WNT8B: variants seen among roughly 807,000 people sequenced by gnomAD.
WNT8B encodes the protein Wnt family member 8B.
Under a neutral mutation model 36.6 loss-of-function variants are expected in WNT8B, and 24 were observed. The observed-to-expected ratio is 0.66, with a 90% CI of 0.48 to 0.92. The LOEUF (loss-of-function observed/expected upper bound fraction) is 0.92. WNT8B is among the 40% of genes least tolerant of loss of function. The pLI is 0.00. For missense variants in WNT8B, 402 were observed against 470.8 expected (o/e 0.85, Z 1.35); for synonymous variants, 199 against 189.8 (o/e 1.05, Z -0.40).
chr10:100,468,671 G>A (rs1850938433), intron 1 of WNT8B, among the ~76,000 whole-genome samples: 1 of 152,226 alleles, frequency 6.6e-6, no homozygotes, highest in South Asian at 2.1e-4. Flanking sequence ...ATGAGGACAG[G>A]GAAGATAGCC....
chr10:100,471,522 A>G (rs1657135500), intron 1 of WNT8B, among the ~76,000 whole-genome samples: 3 of 152,234 alleles, frequency 2.0e-5, no homozygotes, highest in Admixed American at 2.0e-4. Context: ...TAATTAACTG[A>G]GTGTATTCAT....
chr10:100,481,444 T>C (rs1682557444), intron 4 of WNT8B, among the ~76,000 whole-genome samples: 1 of 152,214 alleles, frequency 6.6e-6, no homozygotes, highest in Non-Finnish European at 1.5e-5. Context: ...TTCCACTCTT[T>C]ACCTCCAGTG....
At chr10:100,474,617 T>C (rs896998019) in intron 1 of WNT8B, among the ~76,000 whole-genome samples, 1 of 152,018 alleles carries the variant, frequency 6.6e-6, no homozygotes, top group African/African-American at 2.4e-5. Context: ...CAGGCTGGAG[T>C]GCAGTGGCAC....
At chr10:100,477,722 G>A (rs1244887184) in intron 1 of WNT8B, among the ~76,000 whole-genome samples, 3 of 151,812 alleles carry the variant, frequency 2.0e-5, no homozygotes, top group African/African-American at 4.8e-5. Flanking sequence ...TATTTCTCTG[G>A]GATAAATGCC....
chr10:100,482,781 G>C lies in WNT8B; in HGVS notation c.1021G>C (p.Gly341Arg), dbSNP rs771926971. 21 of 1,587,538 alleles carry C rather than the reference G, an allele frequency of 1.3e-5. No individual in the cohort carries two copies. Among genetic ancestry groups the C allele is most frequent in the African/African-American group, 5.4e-5 (4 of 74,182 alleles). The change falls in exon 6 of 6, where the codon GGG becomes CGG. Residue 341 changes from glycine to arginine, a missense_variant. Around this residue, in one of 3 missense-constraint regions of WNT8B, gnomAD observed 256 missense variants for 278.6 expected, o/e 0.92. Transcript: ENST00000343737. This position sits in a 1 kb window ranked among gnomAD's most constrained non-coding sequence, Gnocchi z 6.6. ...YFCSRAERPR[G>R]GAAHKPGRKP Reference sequence around the variant, plus strand: ...CTGTAGCCGCGCAGAGCGGCCGCGGGGGGGCGCTGCGCACAAACCCGGGAG... The same window carrying C: ...CTGTAGCCGCGCAGAGCGGCCGCGGCGGGGCGCTGCGCACAAACCCGGGAG...
intron 1 of WNT8B, among the ~76,000 whole-genome samples, chr10:100,467,862 C>T (rs534095547): frequency 2.6e-5 from 4 of 152,226 alleles, no homozygotes; most frequent in Non-Finnish European, 5.9e-5. Flanking sequence ...TCATGTTTCA[C>T]CTATACTTTC....
intron 1 of WNT8B, among the ~76,000 whole-genome samples, chr10:100,466,976 AT>A (rs143845416): frequency 4.0e-5 from 6 of 150,388 alleles, no homozygotes; most frequent in South Asian, 2.1e-4. Flanking sequence ...CAGAAAGTGG[AT>A]TTTTTTTTTC....
chr10:100,475,577 C>T (rs1206169716), intron 1 of WNT8B, among the ~76,000 whole-genome samples: 2 of 152,178 alleles, frequency 1.3e-5, no homozygotes, highest in African/African-American at 2.4e-5. Context: ...GTAGTTCCGG[C>T]TTAGACTCCT....
chr10:100,482,078 T>C lies in WNT8B; in HGVS notation c.510+24T>C, dbSNP rs1564645591. ...AGGTGAGTCCCGCAGCCCTTGGAAA[T>C]AGGCAGCTGCTGGCTATATCCACTA... On this transcript the variant is annotated intron_variant, in intron 5 of 5. Coordinates refer to ENST00000343737, the MANE Select transcript of WNT8B (RefSeq NM_003393.4). The surrounding 1 kb of genome is among the most constrained non-coding windows in gnomAD (Gnocchi z 6.6). 1.2e-6 allele frequency: 2 copies of C among 1,613,614 alleles called. No homozygotes were observed. Among genetic ancestry groups the C allele is most frequent in the Non-Finnish European group, 1.7e-6 (2 of 1,179,690 alleles).
chr10:100,479,069 T>C lies in WNT8B; in HGVS notation c.86T>C (p.Leu29Pro). 1 of 1,602,742 alleles carries C rather than the reference T, an allele frequency of 6.2e-7. No homozygotes were observed. The highest frequency in any genetic ancestry group is 8.5e-7 in the Non-Finnish European group (1 of 1,177,298). The change falls in exon 2 of 6, where the codon CTG (leucine) becomes CCG (proline). Residue 29 changes from leucine to proline, a missense_variant. Physicochemically the swap from Leu to Pro is moderately conservative, Grantham distance 98 (BLOSUM62 -3). This residue lies in a region of WNT8B where 131 missense variants were observed against 152.6 expected (regional missense o/e 0.86). Transcript: ENST00000343737. ...CCTTATAGGTCGGTGAACAATTTCC[T>C]GATGACTGGTCCAAAGGTAAGAACA... ...LSHSWSVNNF[L>P]MTGPKAYLIY...
intron 1 of WNT8B, among the ~76,000 whole-genome samples, chr10:100,475,038 C>G (rs946761437): frequency 9.2e-5 from 14 of 151,604 alleles, no homozygotes; most frequent in African/African-American, 2.9e-4. Context: ...ATTGGGAGTT[C>G]GAGACCAGCC....
chr10:100,473,049 T>C (rs533618605), intron 1 of WNT8B, among the ~76,000 whole-genome samples: 1 of 152,230 alleles, frequency 6.6e-6, no homozygotes, highest in Non-Finnish European at 1.5e-5. Context: ...TTCAAAATCC[T>C]TGTATTCAAT....
In WNT8B at chr10:100,483,001, T is replaced by G; in HGVS notation, c.*185T>G. 1 of 647,398 alleles carries G rather than the reference T, an allele frequency of 1.5e-6. No individual in the cohort carries two copies. Among genetic ancestry groups the G allele is most frequent in the African/African-American group, 1.9e-5 (1 of 52,480 alleles). The allele number at this position is 647,398 out of a possible 1,614,324, so 40.1% of individuals were successfully genotyped here. A position where few individuals can be genotyped will look rare whatever the true frequency, so the allele number is the denominator to read the frequency against. On this transcript the variant is annotated 3_prime_UTR_variant, in exon 6 of 6. Transcript: ENST00000343737. ...TTTCCCCAATTCCTCTGTGCTCTCCTAGAGCTCTGTCTGAATCCTCGCAGC... is the reference window on the plus strand; with the variant it reads ...TTTCCCCAATTCCTCTGTGCTCTCCGAGAGCTCTGTCTGAATCCTCGCAGC...
chr10:100,472,397 C>T (rs181493240), intron 1 of WNT8B, among the ~76,000 whole-genome samples: 23 of 152,130 alleles, frequency 1.5e-4, no homozygotes, highest in Non-Finnish European at 2.5e-4. Context: ...CACACCTGGC[C>T]GGAAGATTTC....
At chr10:100,479,485 T>C (rs187773987) in intron 2 of WNT8B, among the ~76,000 whole-genome samples, 2 of 152,316 alleles carry the variant, frequency 1.3e-5, no homozygotes, top group Admixed American at 1.3e-4. Context: ...TTTTCTAAGA[T>C]GGTCATGTGA....
In WNT8B at chr10:100,481,956, T is replaced by G. The variant is rs772074360; in HGVS notation, c.412T>G (p.Phe138Val). Residue 138 changes from phenylalanine (F) to valine (V), a missense_variant, in exon 5 of 6, where the codon TTC becomes GTC. Around this residue, in one of 3 missense-constraint regions of WNT8B, gnomAD observed 15 missense variants for 39.6 expected, o/e 0.38. Transcript: ENST00000343737. ...GGGAGGCTGCAGTGACAATGTGGGC[T>G]TCGGAGAGGCGATTTCCAAGCAGTT... ...LWGGCSDNVG[F>V]GEAISKQFVD... The G allele has an allele frequency of 1.2e-6, 2 of 1,614,062 alleles. No individual in the cohort carries two copies. Among genetic ancestry groups the G allele is most frequent in the Non-Finnish European group, 1.7e-6 (2 of 1,180,018 alleles).
intron 1 of WNT8B, among the ~76,000 whole-genome samples, chr10:100,465,422 T>G (rs1850898365): frequency 6.6e-6 from 1 of 152,148 alleles, no homozygotes; most frequent in Non-Finnish European, 1.5e-5. Flanking sequence ...TGAACCAATT[T>G]GATTTTCCTT....
Position 100,482,167 on chromosome 10 carries a change from G to T in WNT8B, c.511-104G>T. 6.4e-7 allele frequency: 1 copy of T among 1,553,284 alleles called. No individual in the cohort carries two copies. The highest frequency in any genetic ancestry group is 2.3e-5 in the East Asian group (1 of 43,860). ...AGATTGGCAAAATGAGGTACCAAGTGGGCTGGCCCAGTAGACTAACTAGAC... is the reference window on the plus strand; with the variant it reads ...AGATTGGCAAAATGAGGTACCAAGTTGGCTGGCCCAGTAGACTAACTAGAC... On this transcript the variant is annotated intron_variant, in intron 5 of 5. Transcript: ENST00000343737. The surrounding 1 kb of genome is among the most constrained non-coding windows in gnomAD (Gnocchi z 6.6).
chr10:100,482,129 C>A lies in WNT8B; in HGVS notation c.510+75C>A. ...CCAGCTCCAGGTGCGGACAACTCTT[C>A]AGTTCATTTAAAAGATTGGCAAAAT... On this transcript the variant is annotated intron_variant, in intron 5 of 5. Transcript: ENST00000343737. The surrounding 1 kb of genome is among the most constrained non-coding windows in gnomAD (Gnocchi z 6.6). 1 of 1,595,696 alleles carries A rather than the reference C, an allele frequency of 6.3e-7. No homozygotes were observed. The highest frequency in any genetic ancestry group is 8.6e-7 in the Non-Finnish European group (1 of 1,169,192).
Sources: gnomAD v4.1 joint callset for allele counts (sites outside exome capture counted in the v4.1 genomes callset) on GRCh38, gnomAD v4.1.1 for gene constraint, gnomAD v4.1.1 regional missense constraint, Gnocchi (gnomAD v3.1) non-coding constraint, MANE v1.5 for transcripts, NCBI Gene and HGNC (gene_info 2026-07-23, HGNC 2026-07-21) for gene names.